Variants in MCM5 observed in about 807,000 individuals in gnomAD.
MCM5 encodes the protein DNA replication licensing factor MCM5.
A neutral mutation model predicts 79.9 loss-of-function variants in MCM5; 46 were observed. The ratio of observed to expected loss-of-function variants is 0.58; its 90% confidence interval spans 0.45 to 0.74. MCM5 has a LOEUF of 0.74. MCM5 is among the 30% of genes least tolerant of loss of function. The probability of loss-of-function intolerance (pLI) is 0.00; values close to 1 mark genes in which losing one functional copy is unlikely to be tolerated. For missense variants in MCM5, 883 were observed against 1,017.0 expected (o/e 0.87, Z 1.79); for synonymous variants, 404 against 390.5 (o/e 1.03, Z -0.41).
At chr22:35,418,668 A>ATAT (rs57119408) in intron 13 of MCM5, among the ~76,000 whole-genome samples, 3 of 137,388 alleles carry the variant, frequency 2.2e-5, no homozygotes, top group African/African-American at 6.3e-5. Flanking sequence ...TCAAAAAAAA[A>ATAT]AAATATATAT....
chr22:35,453,833 G>GAGAA, the MCM5 span, among the ~76,000 whole-genome samples: 2 of 149,184 alleles, frequency 1.3e-5, no homozygotes, highest in African/African-American at 4.9e-5. Context: ...GAGAGAGAGA[G>GAGAA]AGAGAGAGAG....
chr22:35,443,197 A>G, the MCM5 span, among the ~76,000 whole-genome samples: 15 of 151,864 alleles, frequency 9.9e-5, no homozygotes, highest in Non-Finnish European at 1.6e-4. Context: ...GTGCAAAAAA[A>G]TTTTTTTTAC....
chr22:35,445,886 C>T, the MCM5 span, among the ~76,000 whole-genome samples: 4 of 152,070 alleles, frequency 2.6e-5, no homozygotes, highest in Admixed American at 2.6e-4. Flanking sequence ...TCCTGATACC[C>T]GATACTCAGA....
intron 4 of MCM5, among the ~76,000 whole-genome samples, chr22:35,406,101 G>A (rs1932203172): frequency 6.6e-6 from 1 of 152,142 alleles, no homozygotes; most frequent in African/African-American, 2.4e-5. Context: ...GGCTCAAAGA[G>A]AAGTGACCCA....
chr22:35,406,668 C>T lies in MCM5; in HGVS notation c.539C>T (p.Thr180Ile), dbSNP rs2307340. 4 of 1,611,780 alleles carry T rather than the reference C, an allele frequency of 2.5e-6. No individual in the cohort carries two copies. Among genetic ancestry groups the T allele is most frequent in the African/African-American group, 2.7e-5 (2 of 74,948 alleles). Residue 180 changes from threonine (T) to isoleucine (I), a missense_variant, in exon 5 of 17, where the codon ACC becomes ATC. By Grantham distance (89) the Thr-to-Ile change is moderately conservative. Coordinates refer to ENST00000216122, the MANE Select transcript of MCM5 (RefSeq NM_006739.4). ...IQCRSCRNTL[T>I]NIAMRPGLEG... ...TGCCGCAGCTGCCGCAACACCCTCA[C>T]CAACATTGCCATGCGCCCTGGCCTC...
At chr22:35,418,184 G>T (rs4645800) in intron 13 of MCM5, among the ~76,000 whole-genome samples, 87 of 152,274 alleles carry the variant, frequency 5.7e-4, no homozygotes, top group African/African-American at 1.8e-3. Flanking sequence ...CTATGACTTT[G>T]GGCAAGTTGG....
the MCM5 span, among the ~76,000 whole-genome samples, chr22:35,452,620 G>T: frequency 1.3e-5 from 2 of 152,200 alleles, no homozygotes; most frequent in Non-Finnish European, 2.9e-5. Flanking sequence ...TGTACTAGCT[G>T]TAAAGTGAGA....
At chr22:35,429,087 GC>G (rs1386467546), downstream of MCM5, among the ~76,000 whole-genome samples, 1 of 134,244 alleles carries the variant, frequency 7.4e-6, no homozygotes, top group Non-Finnish European at 1.5e-5. Flanking sequence ...CCAGGTTCAA[GC>G]AATTCTCCTG....
chr22:35,440,274 C>A, the MCM5 span, among the ~76,000 whole-genome samples: 2 of 152,202 alleles, frequency 1.3e-5, no homozygotes, highest in South Asian at 2.1e-4. Context: ...ATCAGTAGGC[C>A]CCCCTGGGGC....
chr22:35,403,650 T>G, intron 4 of MCM5, 108 bp downstream of exon 4: 1 of 1,342,132 alleles, frequency 7.5e-7, no homozygotes, highest in Non-Finnish European at 1.0e-6. Context: ...TTTCTGAACC[T>G]GTCTCCTCCT....
At chr22:35,439,586 A>G in the MCM5 span, among the ~76,000 whole-genome samples, 1 of 152,168 alleles carries the variant, frequency 6.6e-6, no homozygotes, top group East Asian at 1.9e-4. Flanking sequence ...CAAACTAGTT[A>G]ATGTAACATA....
Position 35,421,433 on chromosome 22 carries a change from G to T in MCM5, c.1948G>T (p.Asp650Tyr). 1 of 1,614,180 alleles carries T rather than the reference G, an allele frequency of 6.2e-7. No individual in the cohort carries two copies. Among genetic ancestry groups the T allele is most frequent in the Non-Finnish European group, 8.5e-7 (1 of 1,180,044 alleles). The change falls in exon 15 of 17, where the codon GAT becomes TAT. Residue 650 changes from aspartate (D) to tyrosine (Y), a missense_variant. This residue lies in a region of MCM5 where 426 missense variants were observed against 482.3 expected (regional missense o/e 0.88). Transcript: ENST00000216122. Reference sequence around the variant, plus strand: ...GCGGCTCTTCCAAGTGTCCACGTTGGATGCTGCCTTGTCCGGTACCCTGTC... The same window carrying T: ...GCGGCTCTTCCAAGTGTCCACGTTGTATGCTGCCTTGTCCGGTACCCTGTC... Reference protein sequence around the residue: ...ALRLFQVSTLDAALSGTLSGV... With the variant: ...ALRLFQVSTLYAALSGTLSGV...
chr22:35,410,352 T>G, intron 6 of MCM5: 1 of 221,478 alleles, frequency 4.5e-6, no homozygotes, highest in Non-Finnish European at 9.4e-6. Context: ...AGAGGAAGTC[T>G]TGCCCTGAGA....
In MCM5 at chr22:35,406,603, C is replaced by T. The variant is rs1932223970; in HGVS notation, c.474C>T (p.Ala158=). 2 of 1,613,636 alleles carry T rather than the reference C, an allele frequency of 1.2e-6. No individual in the cohort carries two copies. The highest frequency in any genetic ancestry group is 2.2e-5 in the South Asian group (2 of 91,088). Residue 158 remains alanine, a synonymous_variant, in exon 5 of 17, where the codon GCC becomes GCT. Coordinates refer to ENST00000216122, the MANE Select transcript of MCM5 (RefSeq NM_006739.4). The part of the protein sequence containing the change: ...LVKIPGIIIA[A]SAVRAKATRI... Reference sequence around the variant, plus strand: ...AGATCCCTGGCATCATCATCGCGGCCTCTGCGGTCCGTGCCAAGGCCACCC... The same window carrying T: ...AGATCCCTGGCATCATCATCGCGGCTTCTGCGGTCCGTGCCAAGGCCACCC...
rs34663823 is a variant in MCM5, at chr22:35,418,686, TACACACACAC to T, written c.1703+845_1703+854del. ...AAAAAAAAAAATATATATATATGTG[TACACACACAC>T]ACACACACACACACTCACTCTTACA... On this transcript the variant is annotated intron_variant, in intron 13 of 16. Coordinates refer to ENST00000216122, the MANE Select transcript of MCM5 (RefSeq NM_006739.4). Among the ~76,000 whole-genome samples the T allele has an allele frequency of 2.7e-5, 4 of 149,202 alleles. No individual in the cohort carries two copies. The East Asian group carries it at 5.9e-4, about 22-fold the overall frequency.
chr22:35,413,485 G>A (rs957662991), intron 8 of MCM5, among the ~76,000 whole-genome samples: 1 of 152,188 alleles, frequency 6.6e-6, no homozygotes, highest in Admixed American at 6.5e-5. Context: ...CCCAGCACAT[G>A]CAGGGGAGCC....
intron 14 of MCM5, among the ~76,000 whole-genome samples, 181 bp from the exon 15 acceptor site, chr22:35,421,127 CAAAAAAAAAA>C (rs133430): frequency 1.1e-5 from 1 of 88,884 alleles, no homozygotes; most frequent in Admixed American, 1.3e-4. Context: ...GACTTTGTCT[CAAAAAAAAAA>C]AAAAAAAAAA....
At position 35,413,982 on chromosome 22, in the gene MCM5, T is replaced by C. The variant is rs761571738; in HGVS notation, c.1199T>C (p.Ile400Thr). The part of the protein sequence containing the change: ...LLKFVEKCSP[I>T]GVYTSGKGSS... ...AAGTTTGTGGAGAAGTGTTCTCCCA[T>C]TGGGGTGAGTGGCCTGGGATACCTT... Residue 400 changes from isoleucine (I) to threonine (T), a missense_variant, in exon 9 of 17, where the codon ATT becomes ACT. Ile to Thr is a moderately conservative substitution (Grantham distance 89). Transcript: ENST00000216122. The C allele has an allele frequency of 1.1e-5, 17 of 1,609,356 alleles. No homozygotes were observed. The highest frequency in any genetic ancestry group is 3.3e-5 in the Admixed American group (2 of 59,986).
At chr22:35,425,616 A>G (rs1420124275), downstream of MCM5, among the ~76,000 whole-genome samples, 2 of 150,948 alleles carry the variant, frequency 1.3e-5, no homozygotes, top group East Asian at 3.9e-4. Flanking sequence ...TGTCTGGAAC[A>G]GCTTTTGTTT....
Sources: gnomAD v4.1 joint callset for allele counts (sites outside exome capture counted in the v4.1 genomes callset) on GRCh38, gnomAD v4.1.1 for gene constraint, gnomAD v4.1.1 regional missense constraint, MANE v1.5 for transcripts, NCBI Gene and HGNC (gene_info 2026-07-23, HGNC 2026-07-21) for gene names.